Variants in SMCHD1 observed in about 807,000 individuals in gnomAD.
SMCHD1 encodes the protein structural maintenance of chromosomes flexible hinge domain containing 1.
Under a neutral mutation model 254.7 loss-of-function variants are expected in SMCHD1, and 78 were observed. The observed-to-expected ratio is 0.31, with a 90% confidence interval of 0.26 to 0.37. SMCHD1 has a LOEUF of 0.37. Among genes scored for constraint, SMCHD1 ranks in the 10% least tolerant of loss-of-function variants. The pLI, the probability that SMCHD1 is intolerant of heterozygous loss-of-function variation, is 1.00. For synonymous variants in SMCHD1, 766 were observed against 794.9 expected (o/e 0.96, Z 0.61); for missense variants, 1,840 against 2,408.1 (o/e 0.76, Z 4.94).
intron 1 of SMCHD1, among the ~76,000 whole-genome samples, chr18:2,665,520 C>T (rs916403766): frequency 5.9e-5 from 9 of 152,074 alleles, no homozygotes; most frequent in Non-Finnish European, 1.3e-4. Context: ...AGGGTTTCAC[C>T]ATGTTGGTCG....
chr18:2,793,669 A>AAAAAAAAAAAAAAAAAAAAAAAAAAAC (rs1855041810), intron 45 of SMCHD1, among the ~76,000 whole-genome samples: 1 of 146,090 alleles, frequency 6.8e-6, no homozygotes, highest in Non-Finnish European at 1.5e-5. Flanking sequence ...AAAAAAAAAA[A>AAAAAAAAAAAAAAAAAAAAAAAAAAAC]AAGAAAGAAA....
intron 17 of SMCHD1, among the ~76,000 whole-genome samples, chr18:2,712,501 G>T (rs563543145): frequency 1.3e-5 from 2 of 152,186 alleles, no homozygotes; most frequent in South Asian, 4.2e-4. Context: ...TTGAAAATAC[G>T]TTTTTGCGGG....
At chr18:2,719,398 C>G (rs144389256) in intron 19 of SMCHD1, among the ~76,000 whole-genome samples, 1 of 151,532 alleles carries the variant, frequency 6.6e-6, no homozygotes, top group Non-Finnish European at 1.5e-5. Flanking sequence ...CAGGTTCAAG[C>G]GATTCTTCTT....
At chr18:2,792,065 G>A (rs1041543473) in intron 45 of SMCHD1, among the ~76,000 whole-genome samples, 6 of 151,968 alleles carry the variant, frequency 3.9e-5, no homozygotes, top group African/African-American at 7.3e-5. Flanking sequence ...AATATTTCCC[G>A]TTATTTGCTC....
At chr18:2,725,900 G>A (rs542111468) in intron 21 of SMCHD1, among the ~76,000 whole-genome samples, 1 of 151,868 alleles carries the variant, frequency 6.6e-6, no homozygotes, top group Admixed American at 6.6e-5. Flanking sequence ...AGTATAGAGA[G>A]GTTACATGTA....
chr18:2,769,767 C>T lies in SMCHD1; in HGVS notation c.4793C>T (p.Pro1598Leu). The T allele has an allele frequency of 6.2e-7, 1 of 1,604,268 alleles. No homozygotes were observed. The highest frequency in any genetic ancestry group is 8.5e-7 in the Non-Finnish European group (1 of 1,174,376). The change falls in exon 38 of 48, where the codon CCA becomes CTA. Residue 1598 changes from proline (P) to leucine (L), a missense_variant. This residue lies in a region of SMCHD1 where 881 missense variants were observed against 1,009.5 expected (regional missense o/e 0.87). Transcript: ENST00000320876. The part of the protein sequence containing the change: ...EYFIVFEPRL[P>L]LLSRTLEPYI... ...TTTATTGTATTTGAGCCCCGGCTAC[C>T]ACTTTTATCAAGAACCTTAGAACCA...
chr18:2,681,951 A>G (rs1266537744), intron 5 of SMCHD1, among the ~76,000 whole-genome samples: 2 of 152,234 alleles, frequency 1.3e-5, no homozygotes, highest in East Asian at 1.9e-4. Flanking sequence ...ATATTCCTAA[A>G]GAAAAAGCTG....
chr18:2,677,641 T>G (rs780276779), intron 5 of SMCHD1, among the ~76,000 whole-genome samples: 1 of 152,220 alleles, frequency 6.6e-6, no homozygotes, highest in Non-Finnish European at 1.5e-5. Flanking sequence ...TTTGTTTTGT[T>G]TTTTGAGACA....
chr18:2,760,203 G>GT (rs1454967175), intron 34 of SMCHD1, among the ~76,000 whole-genome samples: 7 of 152,168 alleles, frequency 4.6e-5, no homozygotes, highest in African/African-American at 1.7e-4. Flanking sequence ...TTGATTCACA[G>GT]TAAATACCTT....
intron 17 of SMCHD1, among the ~76,000 whole-genome samples, chr18:2,708,505 T>G (rs2143265116): frequency 6.6e-6 from 1 of 152,174 alleles, no homozygotes; most frequent in East Asian, 1.9e-4. Context: ...CACTCCAGCC[T>G]GGGTGGTAAA....
intron 44 of SMCHD1, among the ~76,000 whole-genome samples, chr18:2,782,463 A>T (rs1428388158): frequency 6.6e-6 from 1 of 152,098 alleles, no homozygotes; most frequent in Admixed American, 6.6e-5. Flanking sequence ...TATTAGGCTG[A>T]GCATGATGGC....
At chr18:2,752,632 C>A in intron 34 of SMCHD1, 80 bp downstream of exon 34, 2 of 861,094 alleles carry the variant, frequency 2.3e-6, no homozygotes, top group Admixed American at 3.0e-5. Flanking sequence ...TGTGGGCTCA[C>A]CTGAGGAAAA....
In SMCHD1 at chr18:2,778,212, G is replaced by A; in HGVS notation, c.5520G>A (p.Leu1840=). 6.2e-7 allele frequency: 1 copy of A among 1,609,676 alleles called. No individual in the cohort carries two copies. The highest frequency in any genetic ancestry group is 8.5e-7 in the Non-Finnish European group (1 of 1,177,500). Residue 1840 remains leucine, a synonymous_variant, in exon 44 of 48, where the codon CTG becomes CTA. Coordinates refer to ENST00000320876, the MANE Select transcript of SMCHD1 (RefSeq NM_015295.3). The part of the protein sequence containing the change: ...LLGDTIILDN[L]DAANHYRKEV... Reference sequence around the variant, plus strand: ...GAGACACCATTATTTTGGATAATCTGGATGCGGCCAATCATTATAGAAAAG... The same window carrying A: ...GAGACACCATTATTTTGGATAATCTAGATGCGGCCAATCATTATAGAAAAG...
intron 37 of SMCHD1, among the ~76,000 whole-genome samples, chr18:2,765,351 A>C (rs548316501): frequency 2.0e-5 from 3 of 152,264 alleles, no homozygotes; most frequent in African/African-American, 4.8e-5. Flanking sequence ...TAATTCTAAC[A>C]GTACTAATAG....
Position 2,706,476 on chromosome 18 carries a change from T to C in SMCHD1, c.2063+6T>C, listed in dbSNP as rs756839376. The stretch of plus-strand genomic sequence containing the variant: ...GTAGAAGATGAAATGGCAAGGTAAG[T>C]CACACTTCAAGATGCATGACAAAAA... On this transcript the variant is annotated splice_donor_region_variant and intron_variant, in intron 15 of 47. Transcript: ENST00000320876. 3.2e-6 allele frequency: 5 copies of C among 1,562,334 alleles called. No homozygotes were observed. Among genetic ancestry groups the C allele is most frequent in the Non-Finnish European group, 2.6e-6 (3 of 1,148,254 alleles).
chr18:2,802,575 A>G lies in SMCHD1; in HGVS notation c.*23A>G. The stretch of plus-strand genomic sequence containing the variant: ...TGAGAGGTGACAGAGAGAAGAGGCC[A>G]TTGGTCTCAGTAAGAATGCCCTGCT... On this transcript the variant is annotated 3_prime_UTR_variant, in exon 48 of 48. Coordinates refer to ENST00000320876, the MANE Select transcript of SMCHD1 (RefSeq NM_015295.3). 3 of 1,548,372 alleles carry G rather than the reference A, an allele frequency of 1.9e-6. No individual in the cohort carries two copies. The highest frequency in any genetic ancestry group is 2.4e-5 in the East Asian group (1 of 40,936).
At chr18:2,705,465 AT>A (rs1320271194) in intron 13 of SMCHD1, among the ~76,000 whole-genome samples, 1 of 152,196 alleles carries the variant, frequency 6.6e-6, no homozygotes, top group African/African-American at 2.4e-5. Context: ...ATTCTAACAC[AT>A]TTGTATAAAG....
At chr18:2,795,240 T>A (rs909383648) in intron 45 of SMCHD1, among the ~76,000 whole-genome samples, 3 of 151,992 alleles carry the variant, frequency 2.0e-5, no homozygotes, top group Non-Finnish European at 2.9e-5. Context: ...TGTATTTTTA[T>A]TAGAGACGGG....
chr18:2,747,830 T>C (rs2075484174), intron 30 of SMCHD1, among the ~76,000 whole-genome samples, 183 bp downstream of exon 30: 1 of 152,204 alleles, frequency 6.6e-6, no homozygotes, highest in African/African-American at 2.4e-5. Context: ...GTTTATATCT[T>C]ACAGTAGTAC....
Sources: allele counts gnomAD v4.1 joint callset (sites outside exome capture counted in the v4.1 genomes callset), GRCh38; gene constraint gnomAD v4.1.1; regional missense constraint gnomAD v4.1.1; transcripts MANE v1.5; gene names NCBI Gene and HGNC (gene_info 2026-07-23, HGNC 2026-07-21).